Variants in TEC observed in about 807,000 individuals in gnomAD.
TEC encodes tyrosine-protein kinase Tec.
Under a neutral mutation model 93.0 loss-of-function variants are expected in TEC, and 72 were observed. The ratio of observed to expected loss-of-function variants is 0.77; its 90% CI spans 0.64 to 0.94. TEC has a LOEUF of 0.94. Ranked by LOEUF, TEC falls within the 40% of genes least tolerant of loss-of-function variation. TEC has a pLI of 0.00. For missense variants in TEC, 630 were observed against 757.9 expected (o/e 0.83, Z 1.98); for synonymous variants, 249 against 247.7 (o/e 1.01, Z -0.05).
intron 2 of TEC, among the ~76,000 whole-genome samples, chr4:48,228,224 C>T (rs979477094): frequency 2.0e-5 from 3 of 152,070 alleles, no homozygotes; most frequent in African/African-American, 4.8e-5. Flanking sequence ...GTACAATGCA[C>T]CTTACAAATT....
At position 48,138,950 on chromosome 4, in the gene TEC, C is replaced by A; in HGVS notation, c.1608G>T (p.Val536=). ...KFPVKWCPPE[V]FNYSRFSSKS... ...TGCTGCTGAAGCGGCTGTAATTAAACACTTCAGGTGGACACCACTTCACAG... is the reference window on the plus strand; with the variant it reads ...TGCTGCTGAAGCGGCTGTAATTAAAAACTTCAGGTGGACACCACTTCACAG... The change falls in exon 16 of 18, where the codon GTG becomes GTT. Residue 536 remains valine, a synonymous_variant. Transcript: ENST00000381501. 2.5e-6 allele frequency: 4 copies of A among 1,614,222 alleles called. No individual in the cohort carries two copies. Among genetic ancestry groups the A allele is most frequent in the Non-Finnish European group, 3.4e-6 (4 of 1,180,026 alleles).
At chr4:48,264,103 G>A (rs1724570291) in intron 1 of TEC, among the ~76,000 whole-genome samples, 1 of 152,188 alleles carries the variant, frequency 6.6e-6, no homozygotes. Flanking sequence ...AGCAAGGATG[G>A]AGAGAATGAG....
chr4:48,172,532 C>T (rs1168782633), intron 3 of TEC, among the ~76,000 whole-genome samples: 1 of 151,774 alleles, frequency 6.6e-6, no homozygotes. Context: ...ACCCCCTCGG[C>T]TCAAGTGATC....
chr4:48,206,918 C>T (rs1048968438), intron 2 of TEC, among the ~76,000 whole-genome samples: 1 of 151,988 alleles, frequency 6.6e-6, no homozygotes, highest in African/African-American at 2.4e-5. Flanking sequence ...ATAATCACAC[C>T]ACTGCTCTCC....
At chr4:48,146,677 T>C (rs1347753074) in intron 11 of TEC, among the ~76,000 whole-genome samples, 4 of 152,136 alleles carry the variant, frequency 2.6e-5, no homozygotes, top group Non-Finnish European at 4.4e-5. Flanking sequence ...TCTTTTCCAA[T>C]ATGAGAGCTG....
In TEC at chr4:48,145,517, C is replaced by T; in HGVS notation, c.1144G>A (p.Gly382Arg). 1 of 1,614,162 alleles carries T rather than the reference C, an allele frequency of 6.2e-7. No homozygotes were observed. Among genetic ancestry groups the T allele is most frequent in the Non-Finnish European group, 8.5e-7 (1 of 1,180,032 alleles). Reference protein sequence around the residue: ...FMRELGSGLFGVVRLGKWRAQ... With the variant: ...FMRELGSGLFRVVRLGKWRAQ... ...CGCCATTTGCCAAGCCTCACCACTC[C>T]AAACAGTCCACTTCCCAATTCCCTC... is the stretch of plus-strand genomic sequence containing the variant. Residue 382 changes from glycine (G) to arginine (R), a missense_variant, in exon 13 of 18, where the codon GGA becomes AGA. Physicochemically the swap from Gly to Arg is moderately radical, Grantham distance 125 (BLOSUM62 -2). Coordinates refer to ENST00000381501, the MANE Select transcript of TEC (RefSeq NM_003215.3).
intron 2 of TEC, among the ~76,000 whole-genome samples, chr4:48,207,988 A>G (rs1007800532): frequency 6.6e-6 from 1 of 152,214 alleles, no homozygotes; most frequent in African/African-American, 2.4e-5. Flanking sequence ...CAAACAGAGT[A>G]AGTCAACATG....
intron 1 of TEC, among the ~76,000 whole-genome samples, chr4:48,261,242 C>T (rs1015482238): frequency 6.6e-6 from 1 of 152,116 alleles, no homozygotes; most frequent in Non-Finnish European, 1.5e-5. Context: ...GCATGTATAC[C>T]TAAATTTACA....
intron 1 of TEC, among the ~76,000 whole-genome samples, chr4:48,264,079 T>G (rs1471919651): frequency 6.6e-6 from 1 of 152,188 alleles, no homozygotes; most frequent in Non-Finnish European, 1.5e-5. Flanking sequence ...ATTTTTTTAT[T>G]TCATGTATAA....
intron 2 of TEC, among the ~76,000 whole-genome samples, chr4:48,219,808 C>T (rs1444713765): frequency 6.6e-6 from 1 of 152,080 alleles, no homozygotes; most frequent in African/African-American, 2.4e-5. Flanking sequence ...TACTGGTCTC[C>T]GTGTCTTGAT....
At chr4:48,206,005 C>T in intron 2 of TEC, among the ~76,000 whole-genome samples, 1 of 152,104 alleles carries the variant, frequency 6.6e-6, no homozygotes, top group Non-Finnish European at 1.5e-5. Flanking sequence ...TGAAAAGGAA[C>T]AAAGTACTAA....
chr4:48,234,751 C>A (rs1723739025), intron 1 of TEC, among the ~76,000 whole-genome samples: 1 of 152,096 alleles, frequency 6.6e-6, no homozygotes, highest in Admixed American at 6.6e-5. Context: ...AGGAAGTATG[C>A]TCCCGTGTGG....
At chr4:48,160,289 A>G (rs1253317631) in intron 8 of TEC, among the ~76,000 whole-genome samples, 1 of 152,218 alleles carries the variant, frequency 6.6e-6, no homozygotes, top group African/African-American at 2.4e-5. Context: ...AACTGATTCT[A>G]AGAGGTTAAA....
intron 2 of TEC, among the ~76,000 whole-genome samples, chr4:48,182,333 C>T (rs898558209): frequency 4.8e-4 from 72 of 151,276 alleles, no homozygotes; most frequent in African/African-American, 1.7e-3. Flanking sequence ...AAGGTCATTA[C>T]TTTTTTTTGT....
intron 1 of TEC, among the ~76,000 whole-genome samples, chr4:48,264,958 A>G (rs1487572798): frequency 6.6e-6 from 1 of 152,050 alleles, no homozygotes; most frequent in African/African-American, 2.4e-5. Flanking sequence ...TCTGCTTTTT[A>G]ATCCCCCTCT....
chr4:48,191,588 A>G (rs1722093574), intron 2 of TEC, among the ~76,000 whole-genome samples: 2 of 152,226 alleles, frequency 1.3e-5, no homozygotes, highest in Admixed American at 1.3e-4. Context: ...GGATAATAGC[A>G]GAACCATTCT....
intron 2 of TEC, among the ~76,000 whole-genome samples, chr4:48,216,244 G>GA (rs11332952): frequency 0.014 from 1,932 of 136,250 alleles, 20 homozygotes; most frequent in South Asian, 0.033. Context: ...TACGCCCCAG[G>GA]AAAAAAAAAA....
At chr4:48,149,192 G>C (rs765669126) in intron 11 of TEC, among the ~76,000 whole-genome samples, 5 of 152,128 alleles carry the variant, frequency 3.3e-5, no homozygotes, top group Non-Finnish European at 7.4e-5. Context: ...ATATACCCAA[G>C]TAATGGGATT....
chr4:48,145,509 C>T lies in TEC; in HGVS notation c.1152G>A (p.Val384=), dbSNP rs55930541. The T allele has an allele frequency of 9.1e-5, 147 of 1,614,174 alleles. 1 individual carries two copies. In the East Asian group the frequency reaches 3.1e-3, roughly 34 times the overall value. The part of the protein sequence containing the change: ...RELGSGLFGV[V]RLGKWRAQYK... ...ACTGGGCTCGCCATTTGCCAAGCCT[C>T]ACCACTCCAAACAGTCCACTTCCCA... The change falls in exon 13 of 18, where the codon GTG becomes GTA. Residue 384 remains valine (V), a synonymous_variant. Coordinates refer to ENST00000381501, the MANE Select transcript of TEC (RefSeq NM_003215.3).
Sources: allele counts gnomAD v4.1 joint callset (sites outside exome capture counted in the v4.1 genomes callset), GRCh38; gene constraint gnomAD v4.1.1; transcripts MANE v1.5; gene names NCBI Gene and HGNC (gene_info 2026-07-23, HGNC 2026-07-21).